The following MDFI variants were observed in gnomAD, a reference collection of about 807,000 sequenced individuals.
MDFI encodes MyoD family inhibitor, also known as inhibitor of MyoD family a.
A neutral mutation model predicts 22.3 loss-of-function variants in MDFI; 16 were observed. The ratio of observed to expected loss-of-function variants is 0.72; its 90% confidence interval spans 0.49 to 1.09. The LOEUF (loss-of-function observed/expected upper bound fraction) is 1.09. Among genes scored for constraint, MDFI ranks in the 50% least tolerant of loss-of-function variants. MDFI has a pLI of 0.00. For missense variants in MDFI, 314 were observed against 326.1 expected (o/e 0.96, Z 0.29); for synonymous variants, 145 against 142.7 (o/e 1.02, Z -0.12).
chr6:41,648,205 C>G (rs1768129437), intron 3 of MDFI, among the ~76,000 whole-genome samples: 1 of 152,176 alleles, frequency 6.6e-6, no homozygotes, highest in Admixed American at 6.5e-5. Flanking sequence ...GGCCTCTGCC[C>G]TCTGAGCCCC....
At chr6:41,649,475 C>A in intron 3 of MDFI, 144 bp from the exon 4 acceptor site, 1 of 737,662 alleles carries the variant, frequency 1.4e-6, no homozygotes, top group Non-Finnish European at 2.3e-6. Context: ...CTCTCTGGGC[C>A]TCAGTTTCCC....
chr6:41,640,004 A>G, intron 2 of MDFI: 1 of 864,054 alleles, frequency 1.2e-6, no homozygotes, highest in Non-Finnish European at 1.4e-6. Context: ...CAGCCAGCAC[A>G]TAGATGAGGC....
chr6:41,646,292 CA>C lies in MDFI; in HGVS notation c.244del (p.Thr82GlnfsTer4). On this transcript the variant is annotated frameshift_variant, in exon 3 of 5. Coordinates refer to ENST00000230321, the MANE Select transcript of MDFI (RefSeq NM_005586.4). LOFTEE classifies it high-confidence loss of function. Reference sequence around the variant, plus strand: ...TGGACAGCACTGACCTCGACGTCCCCACAGAAGCTGTGACATGTGAGTCCTA... The same window carrying C: ...TGGACAGCACTGACCTCGACGTCCCCCAGAAGCTGTGACATGTGAGTCCTA... Reference protein sequence around the residue: ...GLDSTDLDVPTEAVTCQPQGN... With the variant: ...GLDSTDLDVPXEAVTCQPQGN... 1 of 1,447,080 alleles carries C rather than the reference CA, an allele frequency of 6.9e-7. No homozygotes were observed. Among genetic ancestry groups the C allele is most frequent in the Non-Finnish European group, 9.1e-7 (1 of 1,096,808 alleles). 89.6% of individuals were successfully genotyped at this position (1,447,080 alleles called of 1,614,324 possible).
At chr6:41,648,284 C>T (rs940136082) in intron 3 of MDFI, among the ~76,000 whole-genome samples, 1 of 152,144 alleles carries the variant, frequency 6.6e-6, no homozygotes, top group South Asian at 2.1e-4. Flanking sequence ...CTGACACTTG[C>T]TAGCTATGTG....
intron 3 of MDFI, among the ~76,000 whole-genome samples, chr6:41,647,333 C>T (rs1413588775): frequency 1.3e-5 from 2 of 152,216 alleles, no homozygotes; most frequent in Non-Finnish European, 2.9e-5. Flanking sequence ...CTGTGTCTGT[C>T]CACGTCGCCC....
intron 4 of MDFI, among the ~76,000 whole-genome samples, chr6:41,651,809 G>C (rs985150298): frequency 6.6e-5 from 10 of 152,208 alleles, no homozygotes; most frequent in Admixed American, 5.2e-4. Context: ...AGGGCTGCAG[G>C]ACGTGGGTTC....
chr6:41,639,257 C>A (rs1159578870), intron 2 of MDFI: 1 of 985,416 alleles, frequency 1.0e-6, no homozygotes, highest in Non-Finnish European at 1.2e-6. Flanking sequence ...CAGAGCCCAG[C>A]GCTTCCCGAA....
chr6:41,647,280 T>A (rs1389835977), intron 3 of MDFI, among the ~76,000 whole-genome samples: 2 of 152,226 alleles, frequency 1.3e-5, no homozygotes, highest in Non-Finnish European at 2.9e-5. Context: ...CCTGAGTGTT[T>A]GCTCTGTGAC....
chr6:41,653,875 T>G lies in MDFI; in HGVS notation c.*300T>G, dbSNP rs556067154. ...GGACAACCTAGGGGCAGGGCTGGGG[T>G]GGGGACCGCAGGGGGCAGCCAGGGC... On this transcript the variant is annotated 3_prime_UTR_variant, in exon 5 of 5. Coordinates refer to ENST00000230321, the MANE Select transcript of MDFI (RefSeq NM_005586.4). This position sits in a 1 kb window ranked among gnomAD's most constrained non-coding sequence, Gnocchi z 4.2. 3.1e-4 allele frequency: 105 copies of G among 339,708 alleles called. No homozygotes were observed. Among genetic ancestry groups the G allele is most frequent in the African/African-American group, 6.9e-4 (30 of 43,568 alleles). The allele number at this position is 339,708 out of a possible 1,614,324, so 21.0% of individuals were successfully genotyped here. A position where few individuals can be genotyped will look rare whatever the true frequency, so the allele number is the denominator to read the frequency against.
intron 4 of MDFI, among the ~76,000 whole-genome samples, chr6:41,652,249 G>A (rs746524917): frequency 8.5e-5 from 13 of 152,240 alleles, no homozygotes; most frequent in East Asian, 1.9e-4. Flanking sequence ...AGGAATCAGC[G>A]CCTGCATGGC....
intron 3 of MDFI, among the ~76,000 whole-genome samples, chr6:41,646,670 A>C (rs1330753945): frequency 6.6e-6 from 1 of 152,214 alleles, no homozygotes; most frequent in African/African-American, 2.4e-5. Flanking sequence ...CAGGGATAAA[A>C]GGAAGAAGCC....
chr6:41,637,651 CT>C (rs1767689461), upstream of MDFI, among the ~76,000 whole-genome samples: 1 of 152,092 alleles, frequency 6.6e-6, no homozygotes, highest in Non-Finnish European at 1.5e-5. This position sits in a 1 kb window ranked among gnomAD's most constrained non-coding sequence, Gnocchi z 6.8. Context: ...GCAGCGGCTT[CT>C]TCCTACCACC....
intron 2 of MDFI, among the ~76,000 whole-genome samples, chr6:41,644,727 C>G (rs549448311): frequency 6.6e-6 from 1 of 152,038 alleles, no homozygotes. Context: ...CTCTCTCCCC[C>G]ACCCCCACTC....
rs377298233 is a variant in MDFI, at chr6:41,645,765, A to G, written c.77-361A>G. 2.7e-3 allele frequency among the ~76,000 whole-genome samples: 409 copies of G among 149,130 alleles called. 2 individuals are homozygous for G. The highest frequency in any genetic ancestry group is 9.3e-3 in the African/African-American group (374 of 40,368). The stretch of plus-strand genomic sequence containing the variant: ...CACTGTCCCTTTGATTCTCCCTGTC[A>G]CTCTCGATGCCTGTCCCTATCTCTC... On this transcript the variant is annotated intron_variant, in intron 2 of 4. Transcript: ENST00000230321.
intron 2 of MDFI, among the ~76,000 whole-genome samples, chr6:41,643,564 A>AGGGAGGGAGGGAGGGAGGGAGGGAG (rs1224294434): frequency 1.2e-5 from 1 of 85,936 alleles, no homozygotes; most frequent in African/African-American, 5.0e-5. Context: ...GAAGGAAGGA[A>AGGGAGGGAGGGAGGGAGGGAGGGAG]GGAAGGAAGG....
intron 2 of MDFI, among the ~76,000 whole-genome samples, chr6:41,641,985 A>T (rs1181936001): frequency 6.6e-6 from 1 of 152,046 alleles, no homozygotes; most frequent in Non-Finnish European, 1.5e-5. Flanking sequence ...TCCCACTCCC[A>T]TCTGGGGCGT....
At position 41,653,213 on chromosome 6, in the gene MDFI, C is replaced by T. The variant is rs1027692150; in HGVS notation, c.485-106C>T. 19 of 1,155,900 alleles carry T rather than the reference C, an allele frequency of 1.6e-5. No homozygotes were observed. The African/African-American group carries it at 2.2e-4, about 14-fold the overall frequency. The allele number at this position is 1,155,900 out of a possible 1,614,324, so 71.6% of individuals were successfully genotyped here. On this transcript the variant is annotated intron_variant, in intron 4 of 4. Coordinates refer to ENST00000230321, the MANE Select transcript of MDFI (RefSeq NM_005586.4). The surrounding 1 kb of genome is among the most constrained non-coding windows in gnomAD (Gnocchi z 4.2). ...CTTCAGGCACACAGTGAACACTCAGCGTCCCTGCTGCTGCCGCTGCCGCAG... is the reference window on the plus strand; with the variant it reads ...CTTCAGGCACACAGTGAACACTCAGTGTCCCTGCTGCTGCCGCTGCCGCAG...
At chr6:41,642,381 C>T (rs1008757104) in intron 2 of MDFI, among the ~76,000 whole-genome samples, 4 of 152,220 alleles carry the variant, frequency 2.6e-5, no homozygotes, top group African/African-American at 9.6e-5. Flanking sequence ...ACACTTCCAC[C>T]CTCCAGAAGT....
At chr6:41,652,783 A>C (rs972050022) in intron 4 of MDFI, among the ~76,000 whole-genome samples, 1 of 151,568 alleles carries the variant, frequency 6.6e-6, no homozygotes, top group Non-Finnish European at 1.5e-5. Flanking sequence ...CGCCCAGCTA[A>C]TTTTTTGTAT....
Sources: gnomAD v4.1 joint callset for allele counts (sites outside exome capture counted in the v4.1 genomes callset) on GRCh38, gnomAD v4.1.1 for gene constraint, Gnocchi (gnomAD v3.1) non-coding constraint, MANE v1.5 for transcripts, NCBI Gene and HGNC (gene_info 2026-07-23, HGNC 2026-07-21) for gene names.